Variants in IGF1R observed in about 807,000 individuals in gnomAD.
IGF1R encodes the protein insulin-like growth factor 1 receptor.
IGF1R carries 44 observed loss-of-function variants against 144.6 expected under a neutral mutation model. The ratio of observed to expected loss-of-function variants is 0.30; its 90% CI spans 0.24 to 0.39. The LOEUF (loss-of-function observed/expected upper bound fraction) is 0.39. IGF1R is among the 10% of genes least tolerant of loss of function. The pLI is 1.00. For synonymous variants in IGF1R, 795 were observed against 722.8 expected, an observed-to-expected ratio of 1.10 and a Z score of -1.60; for missense variants, 1,355 against 1,833.7, an observed-to-expected ratio of 0.74 and a Z score of 4.77.
In IGF1R at chr15:98,911,394, C is replaced by G. The variant is rs1174117256; in HGVS notation, c.1542C>G (p.Pro514=). ...RIIITWHRYR[P]PDYRDLISFT... is the part of the protein sequence containing the mutation. ...TCATAACCTGGCACCGGTACCGGCC[C>G]CCTGACTACAGGGATCTCATCAGCT... The change falls in exon 7 of 21, where the codon CCC becomes CCG. Residue 514 remains proline, a synonymous_variant. Transcript: ENST00000650285. 2 of 1,614,074 alleles carry G rather than the reference C, an allele frequency of 1.2e-6. No individual in the cohort carries two copies. Among genetic ancestry groups the G allele is most frequent in the Non-Finnish European group, 1.7e-6 (2 of 1,180,024 alleles).
At chr15:98,817,405 C>T (rs73479750) in intron 2 of IGF1R, among the ~76,000 whole-genome samples, 4,710 of 152,004 alleles carry the variant, frequency 0.031, 264 homozygotes, top group African/African-American at 0.11. Context: ...TAGTGATGAG[C>T]ATCTAAGAAG....
At chr15:98,855,180 C>G (rs1281425477) in intron 2 of IGF1R, among the ~76,000 whole-genome samples, 1 of 152,160 alleles carries the variant, frequency 6.6e-6, no homozygotes, top group Non-Finnish European at 1.5e-5. Context: ...GGGTGGGGAG[C>G]TTTCTCTGTG....
At chr15:98,809,323 C>G (rs3759907) in intron 2 of IGF1R, among the ~76,000 whole-genome samples, 141,206 of 152,238 alleles carry the variant, frequency 0.93, 65,849 homozygotes, top group Middle Eastern at 0.98. Flanking sequence ...AAGGCAACCA[C>G]GATTGGATTC....
At chr15:98,924,186 GCATA>G (rs2015611625) in intron 12 of IGF1R, among the ~76,000 whole-genome samples, 174 bp downstream of exon 12, 1 of 152,274 alleles carries the variant, frequency 6.6e-6, no homozygotes, top group African/African-American at 2.4e-5. Context: ...AAGGAGTACT[GCATA>G]GTGTGCAAAG....
chr15:98,868,378 G>C (rs929811193), intron 2 of IGF1R, among the ~76,000 whole-genome samples: 11 of 139,486 alleles, frequency 7.9e-5, no homozygotes, highest in African/African-American at 2.3e-4. Flanking sequence ...TTTGGGGGGG[G>C]GGTCCTTTAG....
chr15:98,774,198 TTC>T (rs1220267590), intron 2 of IGF1R, among the ~76,000 whole-genome samples: 1 of 152,160 alleles, frequency 6.6e-6, no homozygotes, highest in Non-Finnish European at 1.5e-5. Flanking sequence ...TCAGATCAAG[TTC>T]TCTCTCTCCT....
intron 2 of IGF1R, among the ~76,000 whole-genome samples, chr15:98,822,604 C>T (rs1049620729): frequency 2.6e-5 from 4 of 152,194 alleles, no homozygotes; most frequent in African/African-American, 4.8e-5. Context: ...TTCATTCGCT[C>T]ATCCATTAAT....
chr15:98,764,506 C>G (rs1198770997), intron 2 of IGF1R, among the ~76,000 whole-genome samples: 1 of 152,072 alleles, frequency 6.6e-6, no homozygotes, highest in Non-Finnish European at 1.5e-5. Flanking sequence ...GATCTTTTAC[C>G]AAATAAGGGA....
At chr15:98,689,711 A>C (rs565019801) in intron 1 of IGF1R, among the ~76,000 whole-genome samples, 46 of 152,326 alleles carry the variant, frequency 3.0e-4, no homozygotes, top group African/African-American at 1.1e-3. Context: ...GCCATCACAG[A>C]TGGATGTGAG....
intron 2 of IGF1R, among the ~76,000 whole-genome samples, chr15:98,816,408 C>T (rs2056696957): frequency 2.0e-5 from 3 of 152,298 alleles, no homozygotes; most frequent in African/African-American, 7.2e-5. Flanking sequence ...GCCAGTAATT[C>T]GAAAGCACTT....
intron 2 of IGF1R, among the ~76,000 whole-genome samples, chr15:98,843,431 T>C (rs1485566501): frequency 6.6e-6 from 1 of 152,194 alleles, no homozygotes; most frequent in Non-Finnish European, 1.5e-5. Flanking sequence ...GGCCTTCTGG[T>C]CGTGTTTCTA....
intron 12 of IGF1R, 113 bp downstream of exon 12, chr15:98,924,125 C>A (rs577843399): frequency 2.9e-5 from 32 of 1,086,678 alleles, no homozygotes; most frequent in Non-Finnish European, 4.0e-5. Context: ...ACAATAAAAT[C>A]CATGCCAAGT....
Position 98,957,360 on chromosome 15 carries a change from A to G in IGF1R, c.4022A>G (p.Asp1341Gly). 6.2e-7 allele frequency: 1 copy of G among 1,612,470 alleles called. No individual in the cohort carries two copies. The highest frequency in any genetic ancestry group is 8.5e-7 in the Non-Finnish European group (1 of 1,179,052). ...GTGCTGGTCCTCCGCGCCAGCTTCG[A>G]CGAGAGACAGCCTTACGCCCACATG... ...PGVLVLRASF[D>G]ERQPYAHMNG... Residue 1341 changes from aspartate (D) to glycine (G), a missense_variant, in exon 21 of 21, where the codon GAC (aspartate) becomes GGC (glycine). Asp to Gly is a moderately conservative substitution (Grantham distance 94, BLOSUM62 -1). Coordinates refer to ENST00000650285, the MANE Select transcript of IGF1R (RefSeq NM_000875.5).
intron 7 of IGF1R, 126 bp downstream of exon 7, chr15:98,911,567 C>G (rs2015021184): frequency 1.7e-6 from 2 of 1,209,966 alleles, no homozygotes; most frequent in African/African-American, 1.5e-5. Context: ...GAGAGCCACG[C>G]CAAACATCCC....
intron 10 of IGF1R, among the ~76,000 whole-genome samples, chr15:98,919,751 A>G (rs1258770981): frequency 2.0e-5 from 3 of 152,184 alleles, no homozygotes; most frequent in African/African-American, 7.2e-5. Flanking sequence ...TAAGAAGTTA[A>G]TATTTGTTTT....
intron 2 of IGF1R, among the ~76,000 whole-genome samples, chr15:98,823,957 T>A (rs1273722335): frequency 1.3e-5 from 2 of 152,168 alleles, no homozygotes; most frequent in Non-Finnish European, 2.9e-5. Context: ...GCAACATTAT[T>A]TTTGGAATTG....
chr15:98,728,267 C>T (rs913771622), intron 2 of IGF1R, among the ~76,000 whole-genome samples: 2 of 152,152 alleles, frequency 1.3e-5, no homozygotes, highest in African/African-American at 4.8e-5. Context: ...CTGGCCATCA[C>T]AGATCCCGGT....
chr15:98,888,629 G>T (rs886683177), intron 2 of IGF1R, among the ~76,000 whole-genome samples: 1 of 152,156 alleles, frequency 6.6e-6, no homozygotes, highest in Admixed American at 6.5e-5. Context: ...TTGTGGGTTA[G>T]ATTAGTTTTT....
intron 6 of IGF1R, among the ~76,000 whole-genome samples, chr15:98,910,760 T>C (rs989213695): frequency 2.0e-5 from 3 of 152,268 alleles, no homozygotes; most frequent in Admixed American, 2.0e-4. Context: ...CAGCCCTAGC[T>C]GGAGGCCTCA....
Sources: allele counts gnomAD v4.1 joint callset (sites outside exome capture counted in the v4.1 genomes callset), GRCh38; gene constraint gnomAD v4.1.1; transcripts MANE v1.5; gene names NCBI Gene and HGNC (gene_info 2026-07-23, HGNC 2026-07-21).